PCDH15: variants seen among roughly 807,000 people sequenced by gnomAD.
PCDH15 encodes protocadherin-15.
In PCDH15, 129 loss-of-function variants were observed where a neutral mutation model predicts 178.5. The observed-to-expected ratio is 0.72, with a 90% CI of 0.63 to 0.84. The LOEUF (loss-of-function observed/expected upper bound fraction) is 0.84, where lower values mean the gene tolerates loss of function less well. Ranked by LOEUF, PCDH15 falls within the 40% of genes least tolerant of loss-of-function variation. The pLI is 0.00. For missense variants in PCDH15, 2,230 were observed against 2,099.9 expected, an observed-to-expected ratio of 1.06 and a Z score of -1.21; for synonymous variants, 800 against 732.0, an observed-to-expected ratio of 1.09 and a Z score of -1.50.
In PCDH15 at chr10:54,481,179, T is replaced by C. The variant is rs911417169; in HGVS notation, c.157+46633A>G. On this transcript the variant is annotated intron_variant, in intron 3 of 37. Coordinates refer to ENST00000644397, the MANE Select transcript of PCDH15 (RefSeq NM_001384140.1). ...AATAGCACAGTCATATAGTTCATGCTTGAGCCAAATTTATATTAGCCTAAA... is the reference window on the plus strand; with the variant it reads ...AATAGCACAGTCATATAGTTCATGCCTGAGCCAAATTTATATTAGCCTAAA... 3.9e-5 allele frequency among the ~76,000 whole-genome samples: 6 copies of C among 151,940 alleles called. No individual in the cohort carries two copies. The Admixed American group carries it at 4.0e-4, about 10-fold the overall frequency.
At chr10:55,415,973 C>G (rs1314941700) in intron 2 of PCDH15, among the ~76,000 whole-genome samples, 1 of 151,226 alleles carries the variant, frequency 6.6e-6, no homozygotes, top group Non-Finnish European at 1.5e-5. Flanking sequence ...TTTCAAGTTT[C>G]AAAAACAGGC....
intron 2 of PCDH15, among the ~76,000 whole-genome samples, chr10:54,920,534 G>A (rs1837461296): frequency 6.8e-6 from 1 of 147,928 alleles, no homozygotes; most frequent in African/African-American, 2.5e-5. Flanking sequence ...CAGGACATGT[G>A]TGACTGTGGC....
chr10:55,286,707 TTTATCCCATCAG>T lies in PCDH15; in HGVS notation c.-156+32880_-156+32891del, dbSNP rs1212110223. On this transcript the variant is annotated intron_variant, in intron 1 of 5. Coordinates refer to the PCDH15 transcript ENST00000458638. The stretch of plus-strand genomic sequence containing the variant: ...CCCATTTGACCTCTGCTGAATTGAA[TTTATCCCATCAG>T]TTATAGCCTTTGCCTATATTTTGCA... 2.0e-5 allele frequency among the ~76,000 whole-genome samples: 3 copies of T among 152,066 alleles called. No individual in the cohort carries two copies. In the East Asian group the frequency reaches 5.8e-4, roughly 29 times the overall value.
At chr10:55,462,877 A>G (rs935206601) in intron 2 of PCDH15, among the ~76,000 whole-genome samples, 1 of 152,062 alleles carries the variant, frequency 6.6e-6, no homozygotes, top group Non-Finnish European at 1.5e-5. Flanking sequence ...AGTGTGCATC[A>G]TTTTCCCCCA....
chr10:53,884,862 C>T (rs1373093683), intron 26 of PCDH15, among the ~76,000 whole-genome samples: 3 of 152,168 alleles, frequency 2.0e-5, no homozygotes, highest in South Asian at 2.1e-4. Flanking sequence ...GATACACATT[C>T]TCATTGTATT....
At chr10:55,367,020 C>T (rs558530073) in intron 2 of PCDH15, among the ~76,000 whole-genome samples, 1 of 151,252 alleles carries the variant, frequency 6.6e-6, no homozygotes, top group Non-Finnish European at 1.5e-5. Flanking sequence ...TTTTATATGT[C>T]CTTTCACCCC....
chr10:55,492,820 A>G (rs1045441920), intron 2 of PCDH15, among the ~76,000 whole-genome samples: 3 of 151,780 alleles, frequency 2.0e-5, no homozygotes, highest in Non-Finnish European at 4.4e-5. Context: ...GTAAAGGAAG[A>G]CTTGATAGTA....
chr10:55,543,491 A>G (rs2132078789), intron 2 of PCDH15, among the ~76,000 whole-genome samples: 1 of 151,478 alleles, frequency 6.6e-6, no homozygotes, highest in East Asian at 1.9e-4. Context: ...TCTACTTAAT[A>G]TGTCAGGAAT....
chr10:54,802,144 A>G (rs1236717888), upstream of PCDH15, among the ~76,000 whole-genome samples: 2 of 152,236 alleles, frequency 1.3e-5, no homozygotes, highest in Non-Finnish European at 2.9e-5. Context: ...CAAAAGCCCC[A>G]GAACACATGT....
At chr10:54,975,603 G>C (rs1349035402) in intron 2 of PCDH15, among the ~76,000 whole-genome samples, 1 of 152,028 alleles carries the variant, frequency 6.6e-6, no homozygotes, top group African/African-American at 2.4e-5. Context: ...TTCTAGGAGA[G>C]GTGACTTTTG....
At chr10:55,267,147 AG>A (rs778895423) in intron 1 of PCDH15, among the ~76,000 whole-genome samples, 1 of 152,102 alleles carries the variant, frequency 6.6e-6, no homozygotes, top group Non-Finnish European at 1.5e-5. Flanking sequence ...GGAGAGACAG[AG>A]GGGAGAAACA....
intron 2 of PCDH15, among the ~76,000 whole-genome samples, chr10:54,975,644 T>C (rs1174354878): frequency 2.0e-5 from 3 of 152,100 alleles, no homozygotes; most frequent in Non-Finnish European, 4.4e-5. Flanking sequence ...TAGAAGTTAG[T>C]AAGGTAAATG....
intron 2 of PCDH15, among the ~76,000 whole-genome samples, chr10:55,617,716 G>C (rs1378523556): frequency 6.6e-6 from 1 of 151,910 alleles, no homozygotes; most frequent in Admixed American, 6.6e-5. Flanking sequence ...CTAATTATCT[G>C]TCTGAAAATG....
chr10:54,000,341 C>A (rs2092072478), intron 20 of PCDH15, among the ~76,000 whole-genome samples: 1 of 151,952 alleles, frequency 6.6e-6, no homozygotes, highest in African/African-American at 2.4e-5. Context: ...ACTAAACAAG[C>A]CACCAGAAAC....
intron 18 of PCDH15, among the ~76,000 whole-genome samples, chr10:54,062,687 G>T (rs1444620655): frequency 2.0e-5 from 3 of 151,808 alleles, no homozygotes; most frequent in Non-Finnish European, 4.4e-5. Flanking sequence ...AATTATAGAG[G>T]CCATTTCTTA....
intron 1 of PCDH15, among the ~76,000 whole-genome samples, chr10:54,702,142 A>G (rs777133868): frequency 6.6e-5 from 10 of 152,080 alleles, no homozygotes; most frequent in Non-Finnish European, 1.2e-4. Context: ...GTAAATCAAT[A>G]CTAAGAAGAT....
intron 18 of PCDH15, among the ~76,000 whole-genome samples, chr10:54,061,821 T>G (rs2094020412): frequency 4.3e-5 from 1 of 23,260 alleles, no homozygotes; most frequent in South Asian, 1.0e-3. Context: ...AATTGTTGAT[T>G]GGTAGGTTAT....
At chr10:54,176,531 C>A (rs2047459119) in intron 13 of PCDH15, among the ~76,000 whole-genome samples, 1 of 152,068 alleles carries the variant, frequency 6.6e-6, no homozygotes, top group Non-Finnish European at 1.5e-5. Flanking sequence ...TAAAACAAAA[C>A]CCTATATATT....
chr10:55,159,625 A>C (rs1434468098), intron 2 of PCDH15, among the ~76,000 whole-genome samples: 1 of 148,112 alleles, frequency 6.8e-6, no homozygotes, highest in African/African-American at 2.4e-5. Context: ...ATATATATAT[A>C]TCTTAAAGAG....
Sources: gnomAD v4.1 joint callset for allele counts (sites outside exome capture counted in the v4.1 genomes callset) on GRCh38, gnomAD v4.1.1 for gene constraint, MANE v1.5 for transcripts, NCBI Gene and HGNC (gene_info 2026-07-23, HGNC 2026-07-21) for gene names.